Variants in EDEM3 observed in about 807,000 individuals in gnomAD.
The protein encoded by EDEM3 is ER degradation-enhancing alpha-mannosidase-like protein 3.
In EDEM3, 60 loss-of-function variants were observed where a neutral mutation model predicts 110.2. That is an observed-to-expected ratio of 0.54 (90% confidence interval 0.44 to 0.67). The LOEUF (loss-of-function observed/expected upper bound fraction) is 0.67, where lower values mean the gene tolerates loss of function less well. Ranked by LOEUF, EDEM3 falls within the 30% of genes least tolerant of loss-of-function variation. The pLI, the probability that EDEM3 is intolerant of heterozygous loss-of-function variation, is 0.00. For missense variants in EDEM3, 996 were observed against 1,121.0 expected (o/e 0.89, Z 1.59); for synonymous variants, 352 against 382.9 (o/e 0.92, Z 0.94).
At position 184,726,263 on chromosome 1, in the gene EDEM3, T is replaced by G. The variant is rs150812544; in HGVS notation, c.739A>C (p.Ile247Leu). Reference protein sequence around the residue: ...AALSRFTGATIFEEYARKALD... With the variant: ...AALSRFTGATLFEEYARKALD... Reference sequence around the variant, plus strand: ...GACCGTAAAAAGCAAACCTCAAATATTGTTGCTCCTGTGAATCGACTTAAA... The same window carrying G: ...GACCGTAAAAAGCAAACCTCAAATAGTGTTGCTCCTGTGAATCGACTTAAA... Residue 247 changes from isoleucine (I) to leucine (L), a missense_variant, in exon 7 of 20, where the codon ATA (isoleucine) becomes CTA (leucine). Ile to Leu is a conservative substitution (Grantham distance 5). Transcript: ENST00000318130. The G allele has an allele frequency of 6.2e-7, 1 of 1,613,328 alleles. No homozygotes were observed. The highest frequency in any genetic ancestry group is 1.3e-5 in the African/African-American group (1 of 75,004).
In EDEM3 at chr1:184,726,342, A is replaced by G. The variant is rs1040496899; in HGVS notation, c.660T>C (p.Thr220=). ...GIRKPEARTG[T]ETDTCTACAG... ...CACAAGCTGTACAGGTATCTGTCTCAGTTCCTGTCCGAGCTTCTGGTTTTC... is the reference window on the plus strand; with the variant it reads ...CACAAGCTGTACAGGTATCTGTCTCGGTTCCTGTCCGAGCTTCTGGTTTTC... Residue 220 remains threonine, a synonymous_variant, in exon 7 of 20, where the codon ACT becomes ACC. Coordinates refer to ENST00000318130, the MANE Select transcript of EDEM3 (RefSeq NM_025191.4). The G allele has an allele frequency of 4.3e-6, 7 of 1,613,748 alleles. No homozygotes were observed. In the African/African-American group the frequency reaches 8.0e-5, roughly 18 times the overall value.
intron 5 of EDEM3, among the ~76,000 whole-genome samples, chr1:184,733,745 T>G (rs906544120): frequency 6.6e-6 from 1 of 151,790 alleles, no homozygotes; most frequent in Non-Finnish European, 1.5e-5. Context: ...GGAGAATCAC[T>G]TGAACCAGGG....
In EDEM3 at chr1:184,741,313, T is replaced by C. The variant is rs186455677; in HGVS notation, c.205-3602A>G. ...ACTCGGGAGGCTGAGGCAGGAGAAT[T>C]GCTTGAACCTGGGAGGCAGAGGCTG... On this transcript the variant is annotated intron_variant, in intron 2 of 19. Transcript: ENST00000318130. Among the ~76,000 whole-genome samples, 432 of 152,010 alleles carry C rather than the reference T, an allele frequency of 2.8e-3. 5 individuals are homozygous for C. The East Asian group carries it at 0.036, about 12-fold the overall frequency.
chr1:184,747,346 T>C (rs1382918665), intron 2 of EDEM3, among the ~76,000 whole-genome samples: 2 of 152,164 alleles, frequency 1.3e-5, no homozygotes, highest in Non-Finnish European at 2.9e-5. Context: ...TACAGAAAGC[T>C]AAAAGTGTTT....
intron 2 of EDEM3, among the ~76,000 whole-genome samples, chr1:184,738,323 A>C (rs904191277): frequency 6.6e-6 from 1 of 152,200 alleles, no homozygotes; most frequent in East Asian, 1.9e-4. Flanking sequence ...GAAGTTAAGT[A>C]AGCCTAGATC....
In EDEM3 at chr1:184,692,793, A is replaced by AC. The variant is rs1461115733; in HGVS notation, c.*1269_*1270insG. 2 of 132,790 alleles carry AC rather than the reference A, an allele frequency of 1.5e-5. No individual in the cohort carries two copies. The highest frequency in any genetic ancestry group is 1.7e-5 in the Non-Finnish European group (1 of 58,932). 8.2% of individuals were successfully genotyped at this position (132,790 alleles called of 1,614,324 possible). Reference sequence around the variant, plus strand: ...TACTACAACAACAACAAACCAAAAAAAAAAAGGGGGGGGGTGGAAGTCTCA... The same window carrying AC: ...TACTACAACAACAACAAACCAAAAAACAAAAAGGGGGGGGGTGGAAGTCTCA... On this transcript the variant is annotated 3_prime_UTR_variant, in exon 20 of 20. Transcript: ENST00000318130.
chr1:184,741,112 A>G (rs979678864), intron 2 of EDEM3, among the ~76,000 whole-genome samples: 4 of 152,078 alleles, frequency 2.6e-5, no homozygotes, highest in African/African-American at 9.7e-5. Flanking sequence ...AATAATAATA[A>G]TAAGGCCAGG....
chr1:184,734,401 G>T, intron 5 of EDEM3, 130 bp downstream of exon 5: 1 of 269,142 alleles, frequency 3.7e-6, no homozygotes, highest in South Asian at 1.1e-4. Flanking sequence ...CCCGGGAGGC[G>T]GAGGCTGCAG....
At position 184,693,833 on chromosome 1, in the gene EDEM3, T is replaced by G; in HGVS notation, c.*230A>C. Reference sequence around the variant, plus strand: ...TGTTGCAGGGTGGTGCAGTGCTGCATTTGAAGGGGGAACTGTGGATTTCCA... The same window carrying G: ...TGTTGCAGGGTGGTGCAGTGCTGCAGTTGAAGGGGGAACTGTGGATTTCCA... On this transcript the variant is annotated 3_prime_UTR_variant, in exon 20 of 20. Coordinates refer to ENST00000318130, the MANE Select transcript of EDEM3 (RefSeq NM_025191.4). 2 of 477,742 alleles carry G rather than the reference T, an allele frequency of 4.2e-6. No individual in the cohort carries two copies. The highest frequency in any genetic ancestry group is 7.5e-6 in the Non-Finnish European group (2 of 267,660). 29.6% of individuals were successfully genotyped at this position (477,742 alleles called of 1,614,324 possible).
intron 2 of EDEM3, among the ~76,000 whole-genome samples, chr1:184,739,813 T>C (rs1372748475): frequency 6.6e-6 from 1 of 152,190 alleles, no homozygotes; most frequent in African/African-American, 2.4e-5. Flanking sequence ...TAACACATAG[T>C]TGAGCTTGAG....
At chr1:184,708,893 G>T (rs1312675155) in intron 16 of EDEM3, among the ~76,000 whole-genome samples, 1 of 152,196 alleles carries the variant, frequency 6.6e-6, no homozygotes, top group Non-Finnish European at 1.5e-5. Context: ...ACAGATGAGG[G>T]AACAATTGAT....
intron 19 of EDEM3, among the ~76,000 whole-genome samples, chr1:184,695,565 T>C (rs1649287414): frequency 6.6e-6 from 1 of 151,998 alleles, no homozygotes; most frequent in South Asian, 2.1e-4. Context: ...ATGCAAATCA[T>C]TGGTATACTG....
chr1:184,734,860 C>A (rs115623283), intron 4 of EDEM3, among the ~76,000 whole-genome samples: 2 of 151,988 alleles, frequency 1.3e-5, no homozygotes, highest in Admixed American at 6.5e-5. Flanking sequence ...TTGCATACAC[C>A]GAAATATTAT....
At chr1:184,734,422 T>C (rs12065445) in intron 5 of EDEM3, 109 bp downstream of exon 5, 214 of 335,194 alleles carry the variant, frequency 6.4e-4, no homozygotes, top group African/African-American at 4.6e-3. Flanking sequence ...TAAGCCAAGA[T>C]TGTCACTGCA....
At chr1:184,724,562 C>T (rs1169722693) in intron 7 of EDEM3, among the ~76,000 whole-genome samples, 1 of 152,116 alleles carries the variant, frequency 6.6e-6, no homozygotes, top group Non-Finnish European at 1.5e-5. Context: ...AGGCAGGTTT[C>T]TAAATTAATT....
chr1:184,713,960 C>A (rs1650403334), intron 13 of EDEM3, among the ~76,000 whole-genome samples: 1 of 152,132 alleles, frequency 6.6e-6, no homozygotes, highest in African/African-American at 2.4e-5. Context: ...TATTTTGGAA[C>A]AAAAACTCAC....
chr1:184,723,451 G>A (rs1490329219), intron 8 of EDEM3, among the ~76,000 whole-genome samples: 2 of 151,972 alleles, frequency 1.3e-5, no homozygotes, highest in Admixed American at 6.6e-5. Context: ...ACCACACCTT[G>A]ACGTGAGATG....
intron 17 of EDEM3, among the ~76,000 whole-genome samples, chr1:184,707,218 T>A (rs1318758495): frequency 6.6e-6 from 1 of 152,186 alleles, no homozygotes; most frequent in Non-Finnish European, 1.5e-5. Flanking sequence ...TGGGAACTAA[T>A]TTGAAATGAT....
chr1:184,724,754 C>G (rs1195795655), intron 7 of EDEM3, among the ~76,000 whole-genome samples: 1 of 152,038 alleles, frequency 6.6e-6, no homozygotes, highest in Non-Finnish European at 1.5e-5. Flanking sequence ...AATTTCAGAG[C>G]CAGGAAACTT....
Sources: allele counts gnomAD v4.1 joint callset (sites outside exome capture counted in the v4.1 genomes callset), GRCh38; gene constraint gnomAD v4.1.1; transcripts MANE v1.5; gene names NCBI Gene and HGNC (gene_info 2026-07-23, HGNC 2026-07-21).